The following LIPC variants were observed in gnomAD, a reference collection of about 807,000 sequenced individuals.
LIPC encodes hepatic triacylglycerol lipase.
In LIPC, 44 loss-of-function variants were observed where a neutral mutation model predicts 50.7. The observed-to-expected ratio is 0.87, with a 90% confidence interval of 0.68 to 1.11. The LOEUF (loss-of-function observed/expected upper bound fraction) is 1.11. Among genes scored for constraint, LIPC ranks in the 50% most tolerant of loss-of-function variants. The pLI is 0.00. For missense variants in LIPC, 697 were observed against 648.2 expected (o/e 1.08, Z -0.82); for synonymous variants, 271 against 256.4 (o/e 1.06, Z -0.54).
chr15:58,498,207 G>T (rs900138330), intron 1 of LIPC, among the ~76,000 whole-genome samples: 5 of 152,144 alleles, frequency 3.3e-5, no homozygotes, highest in Admixed American at 1.3e-4. Flanking sequence ...AAAGCCAATA[G>T]TCTCCCCTAT....
At chr15:58,476,145 C>T (rs756324045) in intron 1 of LIPC, among the ~76,000 whole-genome samples, 5 of 152,212 alleles carry the variant, frequency 3.3e-5, no homozygotes, top group South Asian at 2.1e-4. Flanking sequence ...CTAGGCTAAG[C>T]GATCTGCTCA....
chr15:58,555,486 T>C (rs1345739854), intron 6 of LIPC, among the ~76,000 whole-genome samples: 2 of 152,170 alleles, frequency 1.3e-5, no homozygotes, highest in African/African-American at 2.4e-5. Context: ...GCAGGCGATA[T>C]AGAAAGAGTC....
At position 58,561,104 on chromosome 15, in the gene LIPC, A is replaced by T. The variant is rs1037687399; in HGVS notation, c.1169+123A>T. Reference sequence around the variant, plus strand: ...ACTACTTTATTCCAGACGCAAACCAAAAACTATCTGAGACACATGTCAATC... The same window carrying T: ...ACTACTTTATTCCAGACGCAAACCATAAACTATCTGAGACACATGTCAATC... On this transcript the variant is annotated intron_variant, in intron 7 of 8. Coordinates refer to ENST00000299022, the MANE Select transcript of LIPC (RefSeq NM_000236.3). 7.2e-5 allele frequency: 53 copies of T among 739,912 alleles called. 1 individual carries two copies. The highest frequency in any genetic ancestry group is 4.5e-4 in the African/African-American group (26 of 57,630). 45.8% of individuals were successfully genotyped at this position (739,912 alleles called of 1,614,324 possible).
At chr15:58,438,264 G>C (rs543179678) in intron 1 of LIPC, among the ~76,000 whole-genome samples, 4 of 152,184 alleles carry the variant, frequency 2.6e-5, no homozygotes, top group Admixed American at 1.3e-4. Context: ...CCCGAGACAG[G>C]GCAGAACAGT....
intron 1 of LIPC, among the ~76,000 whole-genome samples, chr15:58,532,593 G>A (rs1247475936): frequency 5.9e-5 from 9 of 152,192 alleles, no homozygotes; most frequent in African/African-American, 1.7e-4. Flanking sequence ...AGCAATACCC[G>A]AGGCTTCTTT....
chr15:58,473,569 A>T (rs1391261379), intron 1 of LIPC: 1 of 152,168 alleles, frequency 6.6e-6, no homozygotes. Context: ...AGGAGAAAAA[A>T]CTGCTCCAGT....
At chr15:58,559,137 G>A (rs1427871420) in intron 6 of LIPC, among the ~76,000 whole-genome samples, 1 of 152,206 alleles carries the variant, frequency 6.6e-6, no homozygotes, top group Admixed American at 6.5e-5. Flanking sequence ...ATTGATTGAT[G>A]AAGAGATGAA....
intron 1 of LIPC, among the ~76,000 whole-genome samples, chr15:58,467,414 T>C (rs1464407320): frequency 6.6e-6 from 1 of 152,184 alleles, no homozygotes; most frequent in African/African-American, 2.4e-5. Context: ...TTCCGCTCCG[T>C]TGCTTATTCT....
intron 1 of LIPC, among the ~76,000 whole-genome samples, chr15:58,443,562 G>A (rs916382345): frequency 6.6e-6 from 1 of 152,180 alleles, no homozygotes; most frequent in Non-Finnish European, 1.5e-5. Context: ...CTCCATCCAA[G>A]AATCCTCTAT....
intron 1 of LIPC, among the ~76,000 whole-genome samples, chr15:58,512,103 CT>C (rs1163187152): frequency 7.3e-4 from 106 of 144,692 alleles, no homozygotes; most frequent in Non-Finnish European, 6.3e-4. Context: ...TTTTCTTTTT[CT>C]TTTTTTTTTT....
chr15:58,515,188 C>G (rs1595912019), intron 1 of LIPC, among the ~76,000 whole-genome samples: 1 of 152,186 alleles, frequency 6.6e-6, no homozygotes, highest in East Asian at 1.9e-4. Flanking sequence ...ATAATCTCCC[C>G]CTCTCAAGAT....
intron 1 of LIPC, among the ~76,000 whole-genome samples, chr15:58,502,019 G>A (rs1483442046): frequency 7.9e-5 from 12 of 152,244 alleles, no homozygotes; most frequent in African/African-American, 2.2e-4. Flanking sequence ...CTTGAGATGC[G>A]TGGGCCGAGG....
intron 1 of LIPC, among the ~76,000 whole-genome samples, chr15:58,528,140 C>CA (rs11443674): frequency 0.94 from 130,193 of 137,924 alleles, 61,638 homozygotes; most frequent in South Asian, 0.99. Flanking sequence ...AACTCTGTCT[C>CA]AAAAAAAAAA....
chr15:58,504,829 G>A (rs1892094473), intron 1 of LIPC, among the ~76,000 whole-genome samples: 2 of 152,160 alleles, frequency 1.3e-5, no homozygotes, highest in African/African-American at 4.8e-5. Context: ...AACTCCAAAT[G>A]GCCCCATTAT....
chr15:58,448,098 A>C (rs1337032732), intron 1 of LIPC, among the ~76,000 whole-genome samples: 1 of 152,160 alleles, frequency 6.6e-6, no homozygotes, highest in Non-Finnish European at 1.5e-5. Flanking sequence ...CCTTTGCAAC[A>C]AGTTCCTAAC....
chr15:58,467,876 G>T (rs1357900503), intron 1 of LIPC, among the ~76,000 whole-genome samples: 2 of 152,152 alleles, frequency 1.3e-5, no homozygotes, highest in African/African-American at 4.8e-5. Context: ...TTCCCACTGA[G>T]GGTCAGGGAC....
chr15:58,440,767 G>A lies in LIPC; in HGVS notation c.88+8647G>A, dbSNP rs1893477883. 3.9e-5 allele frequency among the ~76,000 whole-genome samples: 6 copies of A among 152,340 alleles called. No individual in the cohort carries two copies. In the South Asian group the frequency reaches 1.2e-3, roughly 32 times the overall value. ...CCTTTACAGAGGAGGTGATATCTGA[G>A]TTGAATCTTGAAGTTTCCTTCAAGA... On this transcript the variant is annotated intron_variant, in intron 1 of 8. Coordinates refer to ENST00000299022, the MANE Select transcript of LIPC (RefSeq NM_000236.3).
rs796651442 is a variant in LIPC, at chr15:58,471,042, A to T, written c.88+38922A>T. ...TGGTAGTATTTTTGCAGGAGAAATTATAAGGTTTGAAATTTATGGAGGCCT... is the reference window on the plus strand; with the variant it reads ...TGGTAGTATTTTTGCAGGAGAAATTTTAAGGTTTGAAATTTATGGAGGCCT... On this transcript the variant is annotated intron_variant, in intron 1 of 8. Coordinates refer to ENST00000299022, the MANE Select transcript of LIPC (RefSeq NM_000236.3). Among the ~76,000 whole-genome samples, 114 of 151,786 alleles carry T rather than the reference A, an allele frequency of 7.5e-4. 1 individual carries two copies. The highest frequency in any genetic ancestry group is 2.6e-3 in the African/African-American group (109 of 41,446).
At chr15:58,498,481 G>GAT (rs556151706) in intron 1 of LIPC, among the ~76,000 whole-genome samples, 182 of 151,838 alleles carry the variant, frequency 1.2e-3, no homozygotes, top group South Asian at 5.8e-3. Flanking sequence ...TTATAAAGCA[G>GAT]ATATATATAT....
Sources: allele counts gnomAD v4.1 joint callset (sites outside exome capture counted in the v4.1 genomes callset), GRCh38; gene constraint gnomAD v4.1.1; transcripts MANE v1.5; gene names NCBI Gene and HGNC (gene_info 2026-07-23, HGNC 2026-07-21).